DNAJC11: variants seen among roughly 807,000 people sequenced by gnomAD.
The protein encoded by DNAJC11 is DnaJ heat shock protein family (Hsp40) member C11.
DNAJC11 carries 15 observed loss-of-function variants against 78.6 expected under a neutral mutation model. That is an observed-to-expected ratio of 0.19 (90% CI 0.13 to 0.29). The LOEUF (loss-of-function observed/expected upper bound fraction) is 0.29, where lower values mean the gene tolerates loss of function less well. DNAJC11 is among the 10% of genes least tolerant of loss of function. The pLI, the probability that DNAJC11 is intolerant of heterozygous loss-of-function variation, is 1.00. For synonymous variants in DNAJC11, 292 were observed against 272.1 expected, an observed-to-expected ratio of 1.07 and a Z score of -0.72; for missense variants, 547 against 709.6, an observed-to-expected ratio of 0.77 and a Z score of 2.60.
rs1191440585 is a variant in DNAJC11, at chr1:6,634,471, C to T, written c.*1204G>A. 2.3e-6 allele frequency: 3 copies of T among 1,316,668 alleles called. No homozygotes were observed. The highest frequency in any genetic ancestry group is 3.0e-5 in the African/African-American group (2 of 66,918). The allele number at this position is 1,316,668 out of a possible 1,614,324, so 81.6% of individuals were successfully genotyped here. ...GGGGAGGGAGGCCTGACTTCAGCAACAGCTGTGGGTGGGCTGGAGGCCGGC... is the reference window on the plus strand; with the variant it reads ...GGGGAGGGAGGCCTGACTTCAGCAATAGCTGTGGGTGGGCTGGAGGCCGGC... On this transcript the variant is annotated 3_prime_UTR_variant, in exon 16 of 16. Coordinates refer to ENST00000377577, the MANE Select transcript of DNAJC11 (RefSeq NM_018198.4).
In DNAJC11 at chr1:6,680,578, G is replaced by A. The variant is rs1011054396; in HGVS notation, c.202+330C>T. Among the ~76,000 whole-genome samples the A allele has an allele frequency of 2.0e-5, 3 of 152,146 alleles. No homozygotes were observed. The highest frequency in any genetic ancestry group is 2.0e-4 in the Admixed American group (3 of 15,272). On this transcript the variant is annotated intron_variant, in intron 2 of 15. Coordinates refer to ENST00000377577, the MANE Select transcript of DNAJC11 (RefSeq NM_018198.4). This position sits in a 1 kb window ranked among gnomAD's most constrained non-coding sequence, Gnocchi z 4.0. ...ATCTTCTAACAAAAAAGAGAACAAA[G>A]AAACCTTCCCTGTAACGATCAGCCT... is the stretch of plus-strand genomic sequence containing the variant.
chr1:6,695,140 T>C (rs1377860976), intron 1 of DNAJC11, among the ~76,000 whole-genome samples: 10 of 21,480 alleles, frequency 4.7e-4, no homozygotes, highest in Non-Finnish European at 7.4e-4. Context: ...AGCGAGACTC[T>C]CTCAAAAAAA....
At chr1:6,674,225 G>C (rs1296933961) in intron 3 of DNAJC11, among the ~76,000 whole-genome samples, 1 of 151,990 alleles carries the variant, frequency 6.6e-6, no homozygotes, top group African/African-American at 2.4e-5. Flanking sequence ...CTCATTCCTT[G>C]GGAATCCTCC....
At chr1:6,674,505 G>A (rs1315103844) in intron 3 of DNAJC11, among the ~76,000 whole-genome samples, 2 of 152,050 alleles carry the variant, frequency 1.3e-5, no homozygotes, top group Non-Finnish European at 2.9e-5. Flanking sequence ...AGGTTGCAGT[G>A]AGCCAAGATC....
In DNAJC11 at chr1:6,635,425, C is replaced by T. The variant is rs1207603248; in HGVS notation, c.*250G>A. On this transcript the variant is annotated 3_prime_UTR_variant, in exon 16 of 16. Transcript: ENST00000377577. ...GGGCCAGAGCCCTTCCCTCCAGGAA[C>T]TGATCCTTGGGAAAACAGCCATGGG... 2 of 488,912 alleles carry T rather than the reference C, an allele frequency of 4.1e-6. No homozygotes were observed. The highest frequency in any genetic ancestry group is 3.9e-5 in the African/African-American group (2 of 51,536). The allele number at this position is 488,912 out of a possible 1,614,324, so 30.3% of individuals were successfully genotyped here.
At chr1:6,670,644 A>G (rs1642365762) in intron 3 of DNAJC11, 1 of 152,246 alleles carries the variant, frequency 6.6e-6, no homozygotes, top group Non-Finnish European at 1.5e-5. Context: ...AGGAAGCTTT[A>G]AAATAAAAAG....
intron 6 of DNAJC11, among the ~76,000 whole-genome samples, chr1:6,652,612 G>T (rs1446878946): frequency 6.6e-6 from 1 of 152,034 alleles, no homozygotes; most frequent in Admixed American, 6.6e-5. Flanking sequence ...GCTAAGTTTT[G>T]TATTTTTAGT....
chr1:6,657,683 C>T (rs770773029), intron 4 of DNAJC11, among the ~76,000 whole-genome samples: 8 of 152,208 alleles, frequency 5.3e-5, no homozygotes, highest in East Asian at 1.9e-4. Flanking sequence ...CTTGCTCTGT[C>T]GCCTGGGCTG....
At position 6,645,497 on chromosome 1, in the gene DNAJC11, T is replaced by A. The variant is rs1175872304; in HGVS notation, c.894+292A>T. 6.6e-6 allele frequency among the ~76,000 whole-genome samples: 1 copy of A among 152,230 alleles called. No individual in the cohort carries two copies. Among genetic ancestry groups the A allele is most frequent in the Non-Finnish European group, 1.5e-5 (1 of 68,026 alleles). ...GAGGGCATGATTCTGCTATGGGGCT[T>A]CATCTGCCCGCCCCCAATTCCGTGG... is the stretch of plus-strand genomic sequence containing the variant. On this transcript the variant is annotated intron_variant, in intron 8 of 15. Coordinates refer to ENST00000377577, the MANE Select transcript of DNAJC11 (RefSeq NM_018198.4). The surrounding 1 kb of genome is among the most constrained non-coding windows in gnomAD (Gnocchi z 4.1).
At chr1:6,644,510 T>C (rs952514783) in intron 10 of DNAJC11, 48 bp downstream of exon 10, 2 of 1,318,874 alleles carry the variant, frequency 1.5e-6, no homozygotes, top group Non-Finnish European at 2.2e-6. Flanking sequence ...CCTGGTTGAG[T>C]GAAGGTGACA....
chr1:6,653,990 T>A lies in DNAJC11; in HGVS notation c.428A>T (p.Asp143Val). The A allele has an allele frequency of 6.2e-7, 1 of 1,613,572 alleles. No individual in the cohort carries two copies. Among genetic ancestry groups the A allele is most frequent in the South Asian group, 1.1e-5 (1 of 91,068 alleles). The change falls in exon 5 of 16, where the codon GAT becomes GTT. Residue 143 changes from aspartate to valine, a missense_variant. Asp to Val is a radical substitution (Grantham distance 152, BLOSUM62 -3). Transcript: ENST00000377577. The surrounding 1 kb of genome is among the most constrained non-coding windows in gnomAD (Gnocchi z 4.5). ...GCCGGACACATCTTCATACTCCTCA[T>A]CATAGCGATCAAAAAGGTCGGTGGC... ...VDATDLFDRY[D>V]EEYEDVSGSS...
chr1:6,684,648 C>T (rs1000863552), intron 1 of DNAJC11, among the ~76,000 whole-genome samples: 4 of 151,988 alleles, frequency 2.6e-5, no homozygotes, highest in Admixed American at 6.6e-5. Flanking sequence ...TTAGATTGGT[C>T]CTTTCATTAA....
chr1:6,643,547 T>C (rs146965267), intron 10 of DNAJC11, among the ~76,000 whole-genome samples: 3,949 of 152,118 alleles, frequency 0.026, 152 homozygotes, highest in African/African-American at 0.084. Context: ...AGTGCTGGGA[T>C]TACAGGTGTG....
intron 3 of DNAJC11, among the ~76,000 whole-genome samples, chr1:6,671,479 G>A (rs777880423): frequency 4.7e-5 from 7 of 150,438 alleles, no homozygotes; most frequent in Non-Finnish European, 8.8e-5. Flanking sequence ...CTCATGATCC[G>A]CCTGCCTTGG....
intron 1 of DNAJC11, among the ~76,000 whole-genome samples, chr1:6,687,898 A>G (rs1642683448): frequency 6.6e-6 from 1 of 152,236 alleles, no homozygotes; most frequent in Non-Finnish European, 1.5e-5. Context: ...TGCAAGTAGA[A>G]CAGGATTTAA....
At chr1:6,686,399 A>G (rs537003871) in intron 1 of DNAJC11, among the ~76,000 whole-genome samples, 9 of 152,352 alleles carry the variant, frequency 5.9e-5, no homozygotes, top group Admixed American at 5.9e-4. Flanking sequence ...GCAGTAACAA[A>G]CAATCCAAAA....
At chr1:6,677,017 T>C (rs772651318) in intron 3 of DNAJC11, among the ~76,000 whole-genome samples, 30 of 151,812 alleles carry the variant, frequency 2.0e-4, no homozygotes, top group Non-Finnish European at 3.7e-4. Flanking sequence ...CTACTACAAA[T>C]ACAAAATTAG....
chr1:6,668,775 A>G (rs1358033868), intron 3 of DNAJC11, among the ~76,000 whole-genome samples: 4 of 152,096 alleles, frequency 2.6e-5, no homozygotes, highest in Non-Finnish European at 2.9e-5. Flanking sequence ...TCTTCTTATA[A>G]CAGTATATGA....
chr1:6,644,497 A>G, intron 10 of DNAJC11, 61 bp downstream of exon 10: 1 of 1,226,478 alleles, frequency 8.2e-7, no homozygotes, highest in Non-Finnish European at 1.2e-6. Flanking sequence ...AACTTGGGTA[A>G]AGCCTGGTTG....
Sources: allele counts gnomAD v4.1 joint callset (sites outside exome capture counted in the v4.1 genomes callset), GRCh38; gene constraint gnomAD v4.1.1; non-coding constraint Gnocchi (gnomAD v3.1); transcripts MANE v1.5; gene names NCBI Gene and HGNC (gene_info 2026-07-23, HGNC 2026-07-21).